The following MTR variants were observed in gnomAD, a reference collection of about 807,000 sequenced individuals.
The protein encoded by MTR is 5-methyltetrahydrofolate-homocysteine methyltransferase.
MTR carries 84 observed loss-of-function variants against 154.8 expected under a neutral mutation model. The ratio of observed to expected loss-of-function variants is 0.54; its 90% CI spans 0.45 to 0.65. The LOEUF is 0.65. Among genes scored for constraint, MTR ranks in the 30% least tolerant of loss-of-function variants. The pLI, the probability that MTR is intolerant of heterozygous loss-of-function variation, is 0.00. For missense variants in MTR, 1,275 were observed against 1,570.2 expected, an observed-to-expected ratio of 0.81 and a Z score of 3.18; for synonymous variants, 554 against 553.9, an observed-to-expected ratio of 1.00 and a Z score of 0.00.
Position 236,815,609 on chromosome 1 carries a change from C to G in MTR, c.615C>G (p.Ala205=). ...CTTTCTTTTTTCCCTGACAGGCAGC[C>G]TTGTTTGCACTCCAAAATCTTTTTG... The part of the protein sequence containing the change: ...TIFDTANAKA[A]LFALQNLFEE... The change falls in exon 7 of 33, where the codon GCC becomes GCG. Residue 205 remains alanine, a synonymous_variant. Transcript: ENST00000366577. The G allele has an allele frequency of 1.2e-6, 2 of 1,613,926 alleles. No individual in the cohort carries two copies. Among genetic ancestry groups the G allele is most frequent in the South Asian group, 1.1e-5 (1 of 91,078 alleles).
At chr1:236,895,248 G>T in intron 30 of MTR, 110 bp from the exon 31 acceptor site, 1 of 1,209,568 alleles carries the variant, frequency 8.3e-7, no homozygotes, top group Non-Finnish European at 1.2e-6. Flanking sequence ...CCTGGCTGTG[G>T]TCCAGATGAG....
Position 236,873,813 on chromosome 1 carries a change from C to G in MTR, c.2446C>G (p.Leu816Val), listed in dbSNP as rs1458770538. 1 of 1,613,996 alleles carries G rather than the reference C, an allele frequency of 6.2e-7. No individual in the cohort carries two copies. Among genetic ancestry groups the G allele is most frequent in the South Asian group, 1.1e-5 (1 of 91,090 alleles). The change falls in exon 23 of 33, where the codon CTG (leucine) becomes GTG (valine). Residue 816 changes from leucine to valine, a missense_variant. Coordinates refer to ENST00000366577, the MANE Select transcript of MTR (RefSeq NM_000254.3). The part of the protein sequence containing the change: ...LGVMTPCDKI[L>V]KAALDHKADI... ...AGTCATGACTCCATGTGATAAGATA[C>G]TGAAAGCTGCTCTTGACCACAAAGC...
At chr1:236,863,678 A>G (rs2103314832) in intron 22 of MTR, 124 bp downstream of exon 22, 1 of 865,148 alleles carries the variant, frequency 1.2e-6, no homozygotes, top group South Asian at 1.4e-5. Flanking sequence ...GTTATTTTTT[A>G]TTTCTTTTTG....
At chr1:236,874,377 C>A (rs1665311185) in intron 23 of MTR, among the ~76,000 whole-genome samples, 1 of 151,984 alleles carries the variant, frequency 6.6e-6, no homozygotes, top group Admixed American at 6.6e-5. Context: ...AAGTTTGAGA[C>A]CAGCCTGGCC....
chr1:236,835,606 C>A lies in MTR; in HGVS notation c.1248C>A (p.Asn416Lys), dbSNP rs1227369146. The A allele has an allele frequency of 6.2e-7, 1 of 1,610,696 alleles. No homozygotes were observed. The highest frequency in any genetic ancestry group is 8.5e-7 in the Non-Finnish European group (1 of 1,179,452). Reference protein sequence around the residue: ...VEMGAQVLDVNMDDGMLDGPS... With the variant: ...VEMGAQVLDVKMDDGMLDGPS... ...TGGGAGCCCAGGTGTTGGATGTCAA[C>A]ATGGATGATGGCATGCTAGATGGTC... Residue 416 changes from asparagine to lysine, a missense_variant, in exon 14 of 33, where the codon AAC (asparagine) becomes AAA (lysine). Physicochemically the swap from Asn to Lys is moderately conservative, Grantham distance 94 (BLOSUM62 0). Coordinates refer to ENST00000366577, the MANE Select transcript of MTR (RefSeq NM_000254.3).
intron 24 of MTR, among the ~76,000 whole-genome samples, chr1:236,876,758 T>G (rs1665458267): frequency 1.3e-5 from 2 of 152,086 alleles, no homozygotes; most frequent in African/African-American, 4.8e-5. Context: ...TCAAGATACA[T>G]TATTGGCAAA....
At chr1:236,871,546 C>CT (rs763546912) in intron 22 of MTR, among the ~76,000 whole-genome samples, 5 of 151,956 alleles carry the variant, frequency 3.3e-5, no homozygotes, top group Non-Finnish European at 7.4e-5. Flanking sequence ...AAATGTATGC[C>CT]TTTTTGTCTT....
At chr1:236,895,259 G>A (rs1485498423) in intron 30 of MTR, 99 bp from the exon 31 acceptor site, 1 of 1,311,158 alleles carries the variant, frequency 7.6e-7, no homozygotes, top group Non-Finnish European at 1.1e-6. Context: ...TCCAGATGAG[G>A]GAGGGTGTCC....
chr1:236,861,545 T>G (rs1278503031), intron 20 of MTR, among the ~76,000 whole-genome samples: 1 of 152,216 alleles, frequency 6.6e-6, no homozygotes, highest in Non-Finnish European at 1.5e-5. Context: ...TTACCCCCAG[T>G]GCCTATCTCT....
intron 15 of MTR, among the ~76,000 whole-genome samples, chr1:236,848,951 ACAGAAGT>A (rs1207181647): frequency 2.0e-5 from 3 of 152,024 alleles, no homozygotes; most frequent in African/African-American, 7.2e-5. Context: ...CCTCATCTCC[ACAGAAGT>A]CTGCAATATA....
At chr1:236,886,391 A>G (rs1385593562) in intron 27 of MTR, 24 bp downstream of exon 27, 3 of 1,608,778 alleles carry the variant, frequency 1.9e-6, no homozygotes, top group African/African-American at 1.3e-5. Context: ...TGGACTAGAG[A>G]AAGACTGGGT....
rs556908440 is a variant in MTR, at chr1:236,852,243, C to A, written c.1696-278C>A. Among the ~76,000 whole-genome samples, 6 of 134,914 alleles carry A rather than the reference C, an allele frequency of 4.4e-5. No homozygotes were observed. In the South Asian group the frequency reaches 1.6e-3, roughly 35 times the overall value. 88.5% of individuals were successfully genotyped at this position (134,914 alleles called of 152,430 possible). Reference sequence around the variant, plus strand: ...TACTTTCAGTGAATAAGGAATTCCTCTTTGTCTTTCTGCGTGTGTGTGTGT... The same window carrying A: ...TACTTTCAGTGAATAAGGAATTCCTATTTGTCTTTCTGCGTGTGTGTGTGT... On this transcript the variant is annotated intron_variant, in intron 16 of 32. Transcript: ENST00000366577.
chr1:236,873,300 G>C (rs1665239114), intron 22 of MTR, among the ~76,000 whole-genome samples: 1 of 152,186 alleles, frequency 6.6e-6, no homozygotes, highest in South Asian at 2.1e-4. Context: ...GAGAGAAGAA[G>C]GGGTAGTTAT....
At chr1:236,823,997 G>A (rs2103094527) in intron 8 of MTR, 122 bp from the exon 9 acceptor site, 1 of 818,242 alleles carries the variant, frequency 1.2e-6, no homozygotes, top group South Asian at 1.4e-5. Flanking sequence ...TTGAATAAAA[G>A]TGCTTTGAAT....
intron 22 of MTR, among the ~76,000 whole-genome samples, chr1:236,870,389 G>A (rs560170132): frequency 9.9e-4 from 151 of 152,308 alleles, no homozygotes; most frequent in Non-Finnish European, 1.9e-3. Context: ...ATGTTCTGGG[G>A]CTCAGCCCTT....
At chr1:236,834,892 G>T (rs760534342) in intron 13 of MTR, among the ~76,000 whole-genome samples, 3 of 152,140 alleles carry the variant, frequency 2.0e-5, no homozygotes, top group Admixed American at 1.3e-4. Context: ...AGGTTGCAGT[G>T]TGTAATAGTG....
At chr1:236,861,085 TTC>T in intron 19 of MTR, 38 bp from the exon 20 acceptor site, 1 of 1,502,800 alleles carries the variant, frequency 6.7e-7, no homozygotes, top group South Asian at 1.3e-5. Context: ...TTTTTTTTCT[TTC>T]TTTCTTTTTC....
At chr1:236,830,448 T>C (rs1356449990) in intron 12 of MTR, among the ~76,000 whole-genome samples, 1 of 152,212 alleles carries the variant, frequency 6.6e-6, no homozygotes, top group African/African-American at 2.4e-5. Flanking sequence ...AATAAAAGAA[T>C]TTTTTCTTCA....
In MTR at chr1:236,886,278, T is replaced by G; in HGVS notation, c.2776-14T>G. 6.2e-7 allele frequency: 1 copy of G among 1,612,744 alleles called. No individual in the cohort carries two copies. The highest frequency in any genetic ancestry group is 2.2e-5 in the East Asian group (1 of 44,874). On this transcript the variant is annotated splice_polypyrimidine_tract_variant and intron_variant, in intron 26 of 32. Coordinates refer to ENST00000366577, the MANE Select transcript of MTR (RefSeq NM_000254.3). Reference sequence around the variant, plus strand: ...CTAAGAGTGTCTAACTAATTTTTCTTTGTTTTTTAACAGGAGAGGAGATAC... The same window carrying G: ...CTAAGAGTGTCTAACTAATTTTTCTGTGTTTTTTAACAGGAGAGGAGATAC...
Sources: allele counts gnomAD v4.1 joint callset (sites outside exome capture counted in the v4.1 genomes callset), GRCh38; gene constraint gnomAD v4.1.1; transcripts MANE v1.5; gene names NCBI Gene and HGNC (gene_info 2026-07-23, HGNC 2026-07-21).